The following SOX6 variants were observed in gnomAD, a reference collection of about 807,000 sequenced individuals.
SOX6 encodes the protein SRY-box transcription factor 6.
In SOX6, 11 loss-of-function variants were observed where a neutral mutation model predicts 97.8. The observed-to-expected ratio is 0.11, with a 90% CI of 0.07 to 0.19. The LOEUF is 0.19. Among genes scored for constraint, SOX6 ranks in the 10% least tolerant of loss-of-function variants. The pLI is 1.00. For missense variants in SOX6, 810 were observed against 1,039.5 expected (o/e 0.78, Z 3.04); for synonymous variants, 360 against 371.4 (o/e 0.97, Z 0.35).
At chr11:16,451,832 G>A (rs927348290) in intron 1 of SOX6, among the ~76,000 whole-genome samples, 4 of 151,690 alleles carry the variant, frequency 2.6e-5, no homozygotes, top group Non-Finnish European at 5.9e-5. Context: ...CCAGGAGTTC[G>A]GACCAGACCT....
chr11:16,139,332 A>G (rs1470630759), intron 6 of SOX6, among the ~76,000 whole-genome samples: 1 of 152,182 alleles, frequency 6.6e-6, no homozygotes, highest in Admixed American at 6.5e-5. Flanking sequence ...CATTATTACT[A>G]TGATGGTTGC....
intron 4 of SOX6, among the ~76,000 whole-genome samples, chr11:16,516,501 C>T (rs1036803751): frequency 1.3e-5 from 2 of 151,984 alleles, no homozygotes; most frequent in Non-Finnish European, 2.9e-5. Flanking sequence ...GGGATATCAC[C>T]ACCGATCCCA....
At chr11:16,235,696 G>C (rs117050808) in intron 3 of SOX6, among the ~76,000 whole-genome samples, 254 of 152,086 alleles carry the variant, frequency 1.7e-3, no homozygotes, top group Non-Finnish European at 2.7e-3. Context: ...TCTCGTATCA[G>C]CACCTATCTC....
intron 1 of SOX6, chr11:16,402,906 A>T (rs1189005936): frequency 6.9e-7 from 1 of 1,458,822 alleles, no homozygotes; most frequent in Non-Finnish European, 9.3e-7. Context: ...AGATTGTCAT[A>T]AAAAGAACCC....
chr11:16,349,674 G>GAGGGAGGGAGGGAGGGAGGAAGGAAGGA (rs1424394200), intron 1 of SOX6, among the ~76,000 whole-genome samples: 3 of 66,966 alleles, frequency 4.5e-5, no homozygotes, highest in African/African-American at 1.7e-4. Context: ...GGGAGGGAGG[G>GAGGGAGGGAGGGAGGGAGGAAGGAAGGA]AGGAAGGAAG....
chr11:15,994,886 G>C (rs2119838039), intron 13 of SOX6, among the ~76,000 whole-genome samples: 1 of 152,222 alleles, frequency 6.6e-6, no homozygotes, highest in East Asian at 1.9e-4. Context: ...AGATTCCTGA[G>C]AGCTACCAAA....
At chr11:16,071,084 C>A (rs1176091856) in intron 9 of SOX6, among the ~76,000 whole-genome samples, 1 of 152,154 alleles carries the variant, frequency 6.6e-6, no homozygotes, top group Non-Finnish European at 1.5e-5. Context: ...TCAGCCTGAA[C>A]TCAGCCAGCA....
chr11:16,544,284 G>A (rs1023172423), intron 4 of SOX6, among the ~76,000 whole-genome samples: 3 of 152,136 alleles, frequency 2.0e-5, no homozygotes, highest in Non-Finnish European at 4.4e-5. Context: ...TCTGGAGACA[G>A]GGTCTTGCTC....
chr11:16,697,791 T>A (rs931670812), intron 3 of SOX6, among the ~76,000 whole-genome samples: 3 of 152,220 alleles, frequency 2.0e-5, no homozygotes, highest in Non-Finnish European at 2.9e-5. Context: ...TTAATCTCCA[T>A]GAACATCTCC....
intron 4 of SOX6, among the ~76,000 whole-genome samples, chr11:16,206,010 A>G (rs1451236930): frequency 1.3e-5 from 2 of 152,036 alleles, no homozygotes; most frequent in South Asian, 4.1e-4. Flanking sequence ...AATTTTTACT[A>G]TGCCTGTAAA....
At chr11:16,401,078 T>C (rs918802149) in intron 1 of SOX6, among the ~76,000 whole-genome samples, 1 of 151,608 alleles carries the variant, frequency 6.6e-6, no homozygotes, top group African/African-American at 2.4e-5. Context: ...CCAATTTTTA[T>C]GTCTCATAAC....
chr11:16,662,591 C>A (rs1283760435), intron 3 of SOX6, among the ~76,000 whole-genome samples: 2 of 151,748 alleles, frequency 1.3e-5, no homozygotes, highest in South Asian at 2.1e-4. Context: ...GTTTAACATT[C>A]AAAAATCAAT....
At chr11:16,349,707 A>AGGAG (rs1856874881) in intron 1 of SOX6, among the ~76,000 whole-genome samples, 1 of 36,496 alleles carries the variant, frequency 2.7e-5, no homozygotes. Context: ...GAAGGAAGGA[A>AGGAG]GGAAGGAAGA....
At chr11:16,287,298 T>A (rs10766317) in intron 3 of SOX6, among the ~76,000 whole-genome samples, 119,755 of 124,210 alleles carry the variant, frequency 0.96, 57,835 homozygotes, top group Middle Eastern at 0.99. Context: ...TCTCTCTCTC[T>A]CACACACACA....
At chr11:16,521,859 A>C (rs1411705423) in intron 4 of SOX6, among the ~76,000 whole-genome samples, 1 of 152,224 alleles carries the variant, frequency 6.6e-6, no homozygotes, top group Non-Finnish European at 1.5e-5. Flanking sequence ...CGATGTGATC[A>C]ACTGGAAGAA....
Position 16,647,241 on chromosome 11 carries a change from C to A in SOX6, n.430-34981G>T, listed in dbSNP as rs930653578. Among the ~76,000 whole-genome samples, 3 of 151,994 alleles carry A rather than the reference C, an allele frequency of 2.0e-5. No homozygotes were observed. The East Asian group carries it at 5.8e-4, about 29-fold the overall frequency. Reference sequence around the variant, plus strand: ...TGTGCAGAAGCTCTTTAGTTTTATCCTCCTTTCCTATCTTCTTGAGACTGA... The same window carrying A: ...TGTGCAGAAGCTCTTTAGTTTTATCATCCTTTCCTATCTTCTTGAGACTGA... On this transcript the variant is annotated intron_variant and non_coding_transcript_variant, in intron 3 of 5. Coordinates refer to the SOX6 transcript ENST00000524520.
intron 3 of SOX6, among the ~76,000 whole-genome samples, chr11:16,703,239 T>C (rs992625899): frequency 6.6e-5 from 10 of 152,132 alleles, no homozygotes; most frequent in African/African-American, 2.4e-4. Context: ...TCTCCAATTA[T>C]TCCATATACA....
chr11:16,525,509 G>A (rs1861143250), intron 4 of SOX6, among the ~76,000 whole-genome samples: 1 of 151,888 alleles, frequency 6.6e-6, no homozygotes, highest in African/African-American at 2.4e-5. Context: ...TTAAACGTTA[G>A]ACATAAAACC....
chr11:16,055,316 C>T (rs1196046465), intron 10 of SOX6, among the ~76,000 whole-genome samples: 5 of 151,838 alleles, frequency 3.3e-5, no homozygotes, highest in East Asian at 3.9e-4. Context: ...ATACAGAGTC[C>T]GACATCAAAT....
Sources: allele counts gnomAD v4.1 joint callset (sites outside exome capture counted in the v4.1 genomes callset), GRCh38; gene constraint gnomAD v4.1.1; transcripts MANE v1.5; gene names NCBI Gene and HGNC (gene_info 2026-07-23, HGNC 2026-07-21).